The following TNNI3K variants were observed in gnomAD, a reference collection of about 807,000 sequenced individuals.
TNNI3K encodes serine/threonine-protein kinase TNNI3K.
Under a neutral mutation model 114.5 loss-of-function variants are expected in TNNI3K, and 140 were observed. The ratio of observed to expected loss-of-function variants is 1.22; its 90% CI spans 1.07 to 1.41. TNNI3K has a LOEUF of 1.41. Among genes scored for constraint, TNNI3K ranks in the 40% most tolerant of loss-of-function variants. The pLI, the probability that TNNI3K is intolerant of heterozygous loss-of-function variation, is 0.00. For synonymous variants in TNNI3K, 347 were observed against 347.5 expected, an observed-to-expected ratio of 1.00 and a Z score of 0.02; for missense variants, 1,125 against 1,007.6, an observed-to-expected ratio of 1.12 and a Z score of -1.58.
chr1:74,316,249 C>G (rs534281305), intron 5 of TNNI3K, among the ~76,000 whole-genome samples: 106 of 152,308 alleles, frequency 7.0e-4, no homozygotes, highest in South Asian at 2.1e-3. Flanking sequence ...AGAAAGATCA[C>G]CATGATGCTA....
At chr1:74,448,546 T>C (rs1456310086) in intron 20 of TNNI3K, among the ~76,000 whole-genome samples, 1 of 145,372 alleles carries the variant, frequency 6.9e-6, no homozygotes, top group African/African-American at 2.7e-5. Flanking sequence ...GTGCCGGTTT[T>C]CAAAGGGAAT....
chr1:74,512,017 G>A lies in TNNI3K; in HGVS notation c.2351+19751G>A, dbSNP rs148493185. Among the ~76,000 whole-genome samples, 826 of 152,180 alleles carry A rather than the reference G, an allele frequency of 5.4e-3. 10 individuals carry two copies. Among genetic ancestry groups the A allele is most frequent in the African/African-American group, 0.018 (744 of 41,514 alleles). On this transcript the variant is annotated intron_variant, in intron 23 of 24. Coordinates refer to ENST00000326637, the MANE Select transcript of TNNI3K (RefSeq NM_015978.3). ...ACCCAAGGAAAATCGGAAGGAAGAG[G>A]GCAGCTTTCCTTCATGCAGCTTCCC...
At chr1:74,368,760 A>T (rs151099923) in intron 13 of TNNI3K, among the ~76,000 whole-genome samples, 158 of 151,970 alleles carry the variant, frequency 1.0e-3, no homozygotes, top group African/African-American at 3.6e-3. Flanking sequence ...AGCCCTGGTA[A>T]CCAGATCAGG....
At chr1:74,297,510 AGTGTGTGTGTGCGT>A (rs1658060948) in intron 5 of TNNI3K, among the ~76,000 whole-genome samples, 1 of 101,170 alleles carries the variant, frequency 9.9e-6, no homozygotes, top group Admixed American at 1.0e-4. Flanking sequence ...CATCTTGTCC[AGTGTGTGTGTGCGT>A]GTGTGTGTGT....
chr1:74,404,941 C>T (rs1394968389), intron 17 of TNNI3K, among the ~76,000 whole-genome samples: 1 of 152,046 alleles, frequency 6.6e-6, no homozygotes, highest in African/African-American at 2.4e-5. Context: ...TTACTTAATG[C>T]CTAGTATGTG....
chr1:74,316,694 A>AT (rs1377090283), intron 5 of TNNI3K, among the ~76,000 whole-genome samples: 11 of 149,058 alleles, frequency 7.4e-5, no homozygotes, highest in South Asian at 2.1e-4. Flanking sequence ...TTATTTATTT[A>AT]TTTATTTATT....
intron 5 of TNNI3K, among the ~76,000 whole-genome samples, chr1:74,289,296 G>A (rs1657524216): frequency 6.6e-6 from 1 of 151,764 alleles, no homozygotes; most frequent in African/African-American, 2.4e-5. Flanking sequence ...ATCACATTTT[G>A]TCTTTAAAAA....
intron 5 of TNNI3K, among the ~76,000 whole-genome samples, chr1:74,314,074 T>TATATATATATAC: frequency 8.1e-4 from 1 of 1,236 alleles, no homozygotes; most frequent in African/African-American, 1.3e-3. Flanking sequence ...TATATATATA[T>TATATATATATAC]ATATATGTAT....
chr1:74,255,892 A>G (rs1037109903), intron 4 of TNNI3K, among the ~76,000 whole-genome samples: 15 of 152,146 alleles, frequency 9.9e-5, no homozygotes, highest in East Asian at 7.7e-4. Context: ...TTTCTTTTCT[A>G]TATGGTTTCT....
chr1:74,452,543 T>C (rs914076421), intron 20 of TNNI3K, among the ~76,000 whole-genome samples: 17 of 152,332 alleles, frequency 1.1e-4, no homozygotes, highest in Middle Eastern at 3.4e-3. Context: ...CCATCTCCAC[T>C]GCTACTTCCT....
intron 4 of TNNI3K, among the ~76,000 whole-genome samples, chr1:74,258,587 C>T (rs913126241): frequency 6.6e-6 from 1 of 152,172 alleles, no homozygotes; most frequent in African/African-American, 2.4e-5. Flanking sequence ...CCCATATCTA[C>T]TTTTGCATTG....
intron 21 of TNNI3K, among the ~76,000 whole-genome samples, chr1:74,467,062 C>CG (rs1667710094): frequency 6.6e-6 from 1 of 152,018 alleles, no homozygotes; most frequent in Non-Finnish European, 1.5e-5. Context: ...GAAGGCTTCC[C>CG]AAAAAGAGTA....
At chr1:74,495,398 G>T (rs914645905) in intron 23 of TNNI3K, among the ~76,000 whole-genome samples, 1 of 152,210 alleles carries the variant, frequency 6.6e-6, no homozygotes, top group Non-Finnish European at 1.5e-5. Flanking sequence ...CTAGCAGTAT[G>T]ATTGGCATAA....
At chr1:74,514,838 A>C (rs1418455846) in intron 23 of TNNI3K, among the ~76,000 whole-genome samples, 1 of 152,164 alleles carries the variant, frequency 6.6e-6, no homozygotes, top group Admixed American at 6.5e-5. Flanking sequence ...GGTACCTCAA[A>C]ATGTGACCCT....
rs1310545151 is a variant in TNNI3K, at chr1:74,321,494, CTTCA to C, written c.445-9955_445-9952del. Among the ~76,000 whole-genome samples the C allele has an allele frequency of 3.9e-5, 6 of 151,954 alleles. No individual in the cohort carries two copies. The East Asian group carries it at 1.2e-3, about 29-fold the overall frequency. On this transcript the variant is annotated intron_variant, in intron 5 of 24. Coordinates refer to ENST00000326637, the MANE Select transcript of TNNI3K (RefSeq NM_015978.3). ...CTCTATAAAATGATATCACTTGTAT[CTTCA>C]GCCTTGCCCTCATCTCACTTCTCCT...
chr1:74,402,144 C>A (rs189557768), intron 17 of TNNI3K, among the ~76,000 whole-genome samples: 1 of 152,176 alleles, frequency 6.6e-6, no homozygotes, highest in South Asian at 2.1e-4. Context: ...AAAAACACAA[C>A]GGGGTCAAGT....
At chr1:74,301,947 G>T (rs1658353444) in intron 5 of TNNI3K, among the ~76,000 whole-genome samples, 1 of 152,178 alleles carries the variant, frequency 6.6e-6, no homozygotes, top group Non-Finnish European at 1.5e-5. Context: ...AGTGCCTATT[G>T]GTAAATGTGC....
chr1:74,442,440 AT>A (rs1271141379), intron 20 of TNNI3K, among the ~76,000 whole-genome samples: 1 of 151,620 alleles, frequency 6.6e-6, no homozygotes, highest in African/African-American at 2.4e-5. Context: ...GGCCATCTAG[AT>A]TTTTTTTGCT....
intron 2 of TNNI3K, chr1:74,240,644 A>C (rs1429597529): frequency 6.6e-6 from 1 of 152,166 alleles, no homozygotes; most frequent in African/African-American, 2.4e-5. Flanking sequence ...TTGTTTCAAT[A>C]GTTTTTATCA....
Sources: allele counts gnomAD v4.1 joint callset (sites outside exome capture counted in the v4.1 genomes callset), GRCh38; gene constraint gnomAD v4.1.1; transcripts MANE v1.5; gene names NCBI Gene and HGNC (gene_info 2026-07-23, HGNC 2026-07-21).